The following ALCAM variants were observed in gnomAD, a reference collection of about 807,000 sequenced individuals.
ALCAM encodes CD166 antigen.
Under a neutral mutation model 70.9 loss-of-function variants are expected in ALCAM, and 30 were observed. The observed-to-expected ratio is 0.42, with a 90% CI of 0.32 to 0.57. The LOEUF (loss-of-function observed/expected upper bound fraction) is 0.57, where lower values mean the gene tolerates loss of function less well. Among genes scored for constraint, ALCAM ranks in the 20% least tolerant of loss-of-function variants. ALCAM has a pLI of 0.11. For synonymous variants in ALCAM, 249 were observed against 242.5 expected (o/e 1.03, Z -0.25); for missense variants, 591 against 695.1 (o/e 0.85, Z 1.68).
intron 1 of ALCAM, among the ~76,000 whole-genome samples, chr3:105,393,420 G>T (rs1207576056): frequency 6.6e-6 from 1 of 151,742 alleles, no homozygotes; most frequent in Non-Finnish European, 1.5e-5. Context: ...TACCATAAGA[G>T]GAATTTAAAT....
intron 1 of ALCAM, among the ~76,000 whole-genome samples, chr3:105,443,026 A>G (rs766903188): frequency 6.6e-6 from 1 of 152,006 alleles, no homozygotes; most frequent in African/African-American, 2.4e-5. Context: ...GGATCTTGCT[A>G]TATTGTCCAG....
intron 2 of ALCAM, among the ~76,000 whole-genome samples, chr3:105,523,307 C>A (rs146087661): frequency 1.9e-4 from 29 of 152,200 alleles, no homozygotes; most frequent in Admixed American, 1.0e-3. Context: ...AGAGGATTTG[C>A]GTTGTAAACC....
intron 1 of ALCAM, among the ~76,000 whole-genome samples, chr3:105,430,863 A>G (rs1034209237): frequency 6.6e-5 from 10 of 152,072 alleles, no homozygotes; most frequent in South Asian, 2.1e-4. Context: ...TCCTATCAGT[A>G]TGGACTCATG....
intron 1 of ALCAM, among the ~76,000 whole-genome samples, chr3:105,413,674 A>G (rs1401195949): frequency 6.6e-6 from 1 of 152,152 alleles, no homozygotes; most frequent in Non-Finnish European, 1.5e-5. Context: ...AAGAATCTCC[A>G]TAGTTGACAT....
chr3:105,372,621 G>A (rs573787819), intron 1 of ALCAM, among the ~76,000 whole-genome samples: 1 of 152,086 alleles, frequency 6.6e-6, no homozygotes, highest in East Asian at 1.9e-4. Context: ...TTGACTTTGA[G>A]TTGAGGTACT....
chr3:105,437,475 A>G (rs1362506847), intron 1 of ALCAM, among the ~76,000 whole-genome samples: 1 of 152,136 alleles, frequency 6.6e-6, no homozygotes, highest in African/African-American at 2.4e-5. Flanking sequence ...TGAGACTAAA[A>G]CATTAGGACA....
At chr3:105,571,724 A>G (rs1157046849) in intron 14 of ALCAM, 128 bp from the exon 15 acceptor site, 8 of 663,710 alleles carry the variant, frequency 1.2e-5, no homozygotes, top group African/African-American at 1.8e-5. Context: ...AGATATGGAA[A>G]TTTTTGCCTA....
intron 14 of ALCAM, among the ~76,000 whole-genome samples, chr3:105,570,024 C>T (rs1170447341): frequency 6.6e-6 from 1 of 152,172 alleles, no homozygotes; most frequent in East Asian, 1.9e-4. Context: ...GCCCCTTAGC[C>T]TAACAAAGGA....
chr3:105,510,825 C>T (rs184766825), intron 1 of ALCAM, among the ~76,000 whole-genome samples: 148 of 152,006 alleles, frequency 9.7e-4, no homozygotes, highest in Admixed American at 1.4e-3. Flanking sequence ...TTCTTCTGGG[C>T]GGTGCATTTA....
chr3:105,513,773 G>A (rs1244979002), intron 1 of ALCAM, among the ~76,000 whole-genome samples: 1 of 151,914 alleles, frequency 6.6e-6, no homozygotes, highest in Non-Finnish European at 1.5e-5. Context: ...TGCTAGTGTT[G>A]ATGCTGAAAG....
At chr3:105,533,006 A>G (rs762526288) in intron 4 of ALCAM, among the ~76,000 whole-genome samples, 21 of 152,334 alleles carry the variant, frequency 1.4e-4, no homozygotes, top group Non-Finnish European at 2.4e-4. Flanking sequence ...AATGTAACTA[A>G]AATACCAAAG....
At chr3:105,490,485 C>A (rs1938551398) in intron 1 of ALCAM, among the ~76,000 whole-genome samples, 1 of 151,856 alleles carries the variant, frequency 6.6e-6, no homozygotes, top group Admixed American at 6.6e-5. Flanking sequence ...TTCTATGAGT[C>A]TTTATTTTTT....
intron 1 of ALCAM, among the ~76,000 whole-genome samples, chr3:105,517,927 A>G (rs1939424188): frequency 6.6e-6 from 1 of 152,142 alleles, no homozygotes; most frequent in Non-Finnish European, 1.5e-5. Flanking sequence ...AAAGCTTAAA[A>G]ATACATGATC....
chr3:105,440,934 T>C (rs976883817), intron 1 of ALCAM: 2 of 152,164 alleles, frequency 1.3e-5, no homozygotes, highest in African/African-American at 4.8e-5. Context: ...AATGAAGGCA[T>C]GGAAACAGGA....
At chr3:105,536,416 A>G (rs1939972180) in intron 6 of ALCAM, among the ~76,000 whole-genome samples, 2 of 152,118 alleles carry the variant, frequency 1.3e-5, no homozygotes, top group Admixed American at 6.6e-5. Flanking sequence ...TGTTAGAAAT[A>G]TTCAATTGGA....
intron 1 of ALCAM, among the ~76,000 whole-genome samples, chr3:105,511,090 T>A (rs1939223831): frequency 6.6e-6 from 1 of 152,048 alleles, no homozygotes; most frequent in East Asian, 1.9e-4. Flanking sequence ...TTCCTCCCAC[T>A]CTTCAATTAA....
At chr3:105,380,899 A>G (rs1203320618) in intron 1 of ALCAM, among the ~76,000 whole-genome samples, 1 of 151,946 alleles carries the variant, frequency 6.6e-6, no homozygotes, top group East Asian at 1.9e-4. Flanking sequence ...AACAAATCAC[A>G]ATTTAAAATA....
At chr3:105,374,158 T>C (rs1332964490) in intron 1 of ALCAM, among the ~76,000 whole-genome samples, 1 of 152,202 alleles carries the variant, frequency 6.6e-6, no homozygotes. Context: ...AAACACTTTC[T>C]TTTATGGTGA....
chr3:105,490,046 T>C (rs1938540461), intron 1 of ALCAM, among the ~76,000 whole-genome samples: 1 of 152,194 alleles, frequency 6.6e-6, no homozygotes, highest in South Asian at 2.1e-4. Context: ...TTTTAAGATA[T>C]TTTGTTTACC....
Sources: gnomAD v4.1 joint callset for allele counts (sites outside exome capture counted in the v4.1 genomes callset) on GRCh38, gnomAD v4.1.1 for gene constraint, MANE v1.5 for transcripts, NCBI Gene and HGNC (gene_info 2026-07-23, HGNC 2026-07-21) for gene names.